COG2: variants seen among roughly 807,000 people sequenced by gnomAD.
The protein encoded by COG2 is conserved oligomeric Golgi complex subunit 2.
Under a neutral mutation model 90.6 loss-of-function variants are expected in COG2, and 52 were observed. The observed-to-expected ratio is 0.57, with a 90% CI of 0.46 to 0.72. COG2 has a LOEUF of 0.72. COG2 is among the 30% of genes least tolerant of loss of function. The pLI is 0.00. For missense variants in COG2, 829 were observed against 891.2 expected, an observed-to-expected ratio of 0.93 and a Z score of 0.89; for synonymous variants, 337 against 320.4, an observed-to-expected ratio of 1.05 and a Z score of -0.55.
At position 230,687,294 on chromosome 1, in the gene COG2, C is replaced by T. The variant is rs1536590; in HGVS notation, c.1578+162C>T. 0.69 allele frequency among the ~76,000 whole-genome samples: 105,028 copies of T among 152,092 alleles called. 36,825 individuals are homozygous for T. Among genetic ancestry groups the T allele is most frequent in the Non-Finnish European group, 0.75 (50,953 of 68,006 alleles). ...CTCACTCACCTCCCTTTCTAGGTGT[C>T]TCTCCAGCTTCCCCTGACAGGTCAT... On this transcript the variant is annotated intron_variant, in intron 13 of 17. Coordinates refer to ENST00000366669, the MANE Select transcript of COG2 (RefSeq NM_007357.3).
At chr1:230,673,391 T>C (rs1662504220) in intron 8 of COG2, among the ~76,000 whole-genome samples, 1 of 152,242 alleles carries the variant, frequency 6.6e-6, no homozygotes, top group African/African-American at 2.4e-5. Context: ...GCTCCCCTTG[T>C]CACTCCTTTC....
intron 1 of COG2, among the ~76,000 whole-genome samples, chr1:230,656,669 C>T (rs918751129): frequency 6.6e-6 from 1 of 152,144 alleles, no homozygotes; most frequent in African/African-American, 2.4e-5. Flanking sequence ...CTAATATTGA[C>T]AGTGGGGTGT....
chr1:230,663,927 C>T (rs1387049414), intron 4 of COG2, among the ~76,000 whole-genome samples: 4 of 152,096 alleles, frequency 2.6e-5, no homozygotes, highest in African/African-American at 9.7e-5. Flanking sequence ...TGGCTCACAC[C>T]TGTAATCTCA....
rs1420571751 is a variant in COG2 at position 230,669,376 on chromosome 1, C to T, written c.615C>T (p.Ala205=). The change falls in exon 7 of 18, where the codon GCC becomes GCT. Residue 205 remains alanine, a synonymous_variant. Coordinates refer to ENST00000366669, the MANE Select transcript of COG2 (RefSeq NM_007357.3). ...KVRPRIAGIT[A]MLQQSLEGLL... ...TGCAGCGTATAGCTGGCATTACAGC[C>T]ATGTTACAGCAGTCACTGGAAGGTC... The T allele has an allele frequency of 7.4e-6, 12 of 1,612,760 alleles. No individual in the cohort carries two copies. The highest frequency in any genetic ancestry group is 1.3e-5 in the African/African-American group (1 of 74,860).
chr1:230,644,378 A>G (rs184293950), intron 1 of COG2, among the ~76,000 whole-genome samples: 5 of 152,360 alleles, frequency 3.3e-5, no homozygotes, highest in Admixed American at 3.3e-4. Flanking sequence ...ATATAAAACT[A>G]CATATAAGTT....
intron 16 of COG2, among the ~76,000 whole-genome samples, 170 bp from the exon 17 acceptor site, chr1:230,691,214 T>C (rs1437077986): frequency 1.3e-5 from 2 of 151,948 alleles, no homozygotes; most frequent in Admixed American, 6.6e-5. Context: ...TATATACACA[T>C]ATATATATAA....
At chr1:230,684,794 A>G (rs1179734193) in intron 11 of COG2, among the ~76,000 whole-genome samples, 2 of 152,236 alleles carry the variant, frequency 1.3e-5, no homozygotes, top group East Asian at 1.9e-4. Context: ...TCGATTTGGT[A>G]TGAAGTACCT....
At chr1:230,644,297 T>G (rs1417010924) in intron 1 of COG2, among the ~76,000 whole-genome samples, 3 of 152,256 alleles carry the variant, frequency 2.0e-5, no homozygotes, top group Non-Finnish European at 2.9e-5. Flanking sequence ...AGCTGTTCTG[T>G]GTAAAATTTT....
Position 230,693,294 on chromosome 1 carries a change from A to G in COG2, c.2118A>G (p.Ile706Met). 1.2e-6 allele frequency: 2 copies of G among 1,602,990 alleles called. No individual in the cohort carries two copies. Among genetic ancestry groups the G allele is most frequent in the South Asian group, 1.1e-5 (1 of 90,744 alleles). ...ATTCATTCTCATGGCCTTTGCAGAT[A>G]CAAAAGTTGGGACTACAAGCAAGTG... is the stretch of plus-strand genomic sequence containing the variant. ...ALDVEYLGEQ[I>M]QKLGLQASDI... The change falls in exon 18 of 18, where the codon ATA (isoleucine) becomes ATG (methionine). Residue 706 changes from isoleucine (I) to methionine (M), a missense_variant and splice_region_variant. Transcript: ENST00000366669.
chr1:230,645,052 T>C (rs1170905987), intron 1 of COG2, among the ~76,000 whole-genome samples: 1 of 151,820 alleles, frequency 6.6e-6, no homozygotes, highest in Non-Finnish European at 1.5e-5. Context: ...CTGAGCAACA[T>C]AGTGAGAATG....
chr1:230,660,860 A>G (rs760957355), intron 3 of COG2, 37 bp downstream of exon 3: 2 of 1,405,202 alleles, frequency 1.4e-6, no homozygotes, highest in Non-Finnish European at 1.9e-6. Context: ...GTTTACCCTA[A>G]AGCATGATAT....
intron 14 of COG2, 27 bp from the exon 15 acceptor site, chr1:230,688,393 A>G (rs756258032): frequency 1.8e-5 from 29 of 1,612,630 alleles, no homozygotes; most frequent in Non-Finnish European, 2.1e-5. Flanking sequence ...GAGCATGATG[A>G]TTAAATCCAG....
rs1662862692 is a variant in COG2, at chr1:230,685,362, CT to C, written c.1380+128del. 5.0e-5 allele frequency: 45 copies of C among 902,592 alleles called. No individual in the cohort carries two copies. The South Asian group carries it at 7.6e-4, about 15-fold the overall frequency. 55.9% of individuals were successfully genotyped at this position (902,592 alleles called of 1,614,324 possible). On this transcript the variant is annotated intron_variant, in intron 12 of 17. Coordinates refer to ENST00000366669, the MANE Select transcript of COG2 (RefSeq NM_007357.3). ...AATTCAGAGGACCACAGTAGTCTGA[CT>C]TCCCAAGATTGTCTCCAGCTCTGTG... is the stretch of plus-strand genomic sequence containing the variant.
chr1:230,650,667 A>G (rs561243934), intron 1 of COG2, among the ~76,000 whole-genome samples: 16 of 151,986 alleles, frequency 1.1e-4, no homozygotes, highest in East Asian at 7.7e-4. Context: ...TTACACTGCT[A>G]TTTCTTTTGC....
intron 11 of COG2, among the ~76,000 whole-genome samples, 166 bp downstream of exon 11, chr1:230,683,801 T>G (rs1295984256): frequency 1.3e-5 from 2 of 150,782 alleles, no homozygotes; most frequent in African/African-American, 4.9e-5. Flanking sequence ...TTTTTTTTGC[T>G]TTTTTTTTGA....
intron 8 of COG2, among the ~76,000 whole-genome samples, chr1:230,674,618 G>T (rs1662540274): frequency 6.6e-6 from 1 of 152,162 alleles, no homozygotes; most frequent in Admixed American, 6.5e-5. Context: ...GTGGTTTAGT[G>T]GTGTTCAGTA....
chr1:230,657,159 G>A (rs774188594), intron 1 of COG2, among the ~76,000 whole-genome samples: 2 of 151,632 alleles, frequency 1.3e-5, no homozygotes, highest in African/African-American at 2.4e-5. Context: ...TTTCTTCATA[G>A]TGTCAATGGT....
chr1:230,671,665 C>T lies in COG2; in HGVS notation c.899+25C>T, dbSNP rs756910130. Reference sequence around the variant, plus strand: ...GGTAATTTAAACAACCCTGTGTGGACCCCCACCTCCCTTTCAGTGACCGCA... The same window carrying T: ...GGTAATTTAAACAACCCTGTGTGGATCCCCACCTCCCTTTCAGTGACCGCA... On this transcript the variant is annotated intron_variant, in intron 8 of 17. Coordinates refer to ENST00000366669, the MANE Select transcript of COG2 (RefSeq NM_007357.3). The T allele has an allele frequency of 7.5e-6, 12 of 1,607,470 alleles. No homozygotes were observed. The South Asian group carries it at 8.9e-5, about 12-fold the overall frequency.
chr1:230,651,119 G>A (rs1661904419), intron 1 of COG2, among the ~76,000 whole-genome samples: 1 of 151,974 alleles, frequency 6.6e-6, no homozygotes, highest in African/African-American at 2.4e-5. Context: ...AACATGTTTT[G>A]AGTGCAGAGA....
Sources: allele counts gnomAD v4.1 joint callset (sites outside exome capture counted in the v4.1 genomes callset), GRCh38; gene constraint gnomAD v4.1.1; transcripts MANE v1.5; gene names NCBI Gene and HGNC (gene_info 2026-07-23, HGNC 2026-07-21).